The following PCDH7 variants were observed in gnomAD, a reference collection of about 807,000 sequenced individuals.
PCDH7 encodes the protein protocadherin-7.
A neutral mutation model predicts 58.9 loss-of-function variants in PCDH7; 17 were observed. The observed-to-expected ratio is 0.29, with a 90% CI of 0.20 to 0.43. The LOEUF is 0.43. Among genes scored for constraint, PCDH7 ranks in the 20% least tolerant of loss-of-function variants. PCDH7 has a pLI of 1.00. For missense variants in PCDH7, 1,274 were observed against 1,441.0 expected, an observed-to-expected ratio of 0.88 and a Z score of 1.88; for synonymous variants, 664 against 616.4, an observed-to-expected ratio of 1.08 and a Z score of -1.14.
intron 3 of PCDH7, among the ~76,000 whole-genome samples, chr4:31,122,130 A>G (rs1341434336): frequency 2.6e-5 from 4 of 152,150 alleles, no homozygotes; most frequent in Admixed American, 2.6e-4. Flanking sequence ...AATTTCATGA[A>G]TAATATATAA....
At chr4:30,742,816 G>T (rs1717256754) in intron 1 of PCDH7, among the ~76,000 whole-genome samples, 1 of 152,106 alleles carries the variant, frequency 6.6e-6, no homozygotes, top group Non-Finnish European at 1.5e-5. Context: ...CATATCAAAA[G>T]AAATTGAAAT....
chr4:31,001,871 T>C (rs954693968), intron 3 of PCDH7, among the ~76,000 whole-genome samples: 3 of 152,200 alleles, frequency 2.0e-5, no homozygotes, highest in Non-Finnish European at 4.4e-5. Flanking sequence ...AACACTGTAA[T>C]TATTTTCTTA....
chr4:30,767,577 A>G (rs1313282736), intron 1 of PCDH7, among the ~76,000 whole-genome samples: 1 of 152,194 alleles, frequency 6.6e-6, no homozygotes, highest in Non-Finnish European at 1.5e-5. Context: ...AAGAACTGTG[A>G]CGGTTTGTTC....
chr4:30,870,135 G>GT (rs61074906), intron 1 of PCDH7, among the ~76,000 whole-genome samples: 5,556 of 151,904 alleles, frequency 0.037, 332 homozygotes, highest in African/African-American at 0.13. Context: ...GGGATTGTTT[G>GT]TTTTTTTCTT....
chr4:30,775,836 G>A (rs1442788570), intron 1 of PCDH7, among the ~76,000 whole-genome samples: 1 of 152,132 alleles, frequency 6.6e-6, no homozygotes, highest in Non-Finnish European at 1.5e-5. Context: ...GACAGAGGTT[G>A]CAGTGAGCCA....
chr4:31,095,924 TA>T (rs1349981387), intron 3 of PCDH7, among the ~76,000 whole-genome samples: 6 of 152,200 alleles, frequency 3.9e-5, no homozygotes, highest in African/African-American at 1.4e-4. Flanking sequence ...AGCAGGATAT[TA>T]TAAATTGTTA....
At chr4:31,027,797 T>C (rs574431466) in intron 3 of PCDH7, among the ~76,000 whole-genome samples, 28 of 152,348 alleles carry the variant, frequency 1.8e-4, no homozygotes, top group African/African-American at 6.7e-4. Flanking sequence ...AAATGGATTA[T>C]TAAAAGTGAT....
At chr4:30,852,225 A>G (rs1361135454) in intron 1 of PCDH7, among the ~76,000 whole-genome samples, 2 of 152,136 alleles carry the variant, frequency 1.3e-5, no homozygotes, top group African/African-American at 4.8e-5. Context: ...ATCATGCTGA[A>G]GCACTAGTTA....
intron 3 of PCDH7, among the ~76,000 whole-genome samples, chr4:30,954,653 A>T (rs1011221765): frequency 1.3e-5 from 2 of 152,170 alleles, no homozygotes; most frequent in Non-Finnish European, 2.9e-5. Context: ...TTTTAGTGTC[A>T]TAGAAAGACG....
At chr4:31,026,298 G>A (rs1266435670) in intron 3 of PCDH7, among the ~76,000 whole-genome samples, 1 of 152,098 alleles carries the variant, frequency 6.6e-6, no homozygotes, top group Non-Finnish European at 1.5e-5. Context: ...GCCACAAGTT[G>A]TACCTTTGAT....
chr4:30,972,601 A>G (rs1041341160), intron 3 of PCDH7, among the ~76,000 whole-genome samples: 71 of 152,288 alleles, frequency 4.7e-4, no homozygotes, highest in African/African-American at 1.6e-3. Flanking sequence ...ATAATGCCCA[A>G]CCTATATTAA....
At chr4:30,865,545 G>A (rs760615435) in intron 1 of PCDH7, among the ~76,000 whole-genome samples, 14 of 152,046 alleles carry the variant, frequency 9.2e-5, no homozygotes, top group African/African-American at 2.2e-4. Context: ...ATACCACCTC[G>A]TAAGCTTGTA....
intron 1 of PCDH7, among the ~76,000 whole-genome samples, chr4:30,750,971 G>A (rs907941968): frequency 8.5e-6 from 1 of 117,664 alleles, no homozygotes; most frequent in African/African-American, 2.8e-5. Context: ...TTTTGGTGCA[G>A]GGAAGGAAAA....
At chr4:31,113,907 A>G (rs1185488979) in intron 3 of PCDH7, among the ~76,000 whole-genome samples, 2 of 142,070 alleles carry the variant, frequency 1.4e-5, no homozygotes, top group Admixed American at 1.5e-4. Context: ...ATCTCAGCTC[A>G]CTGCAACCTC....
At chr4:31,096,163 A>G (rs962226768) in intron 3 of PCDH7, among the ~76,000 whole-genome samples, 1 of 152,190 alleles carries the variant, frequency 6.6e-6, no homozygotes, top group African/African-American at 2.4e-5. Flanking sequence ...GTTATTGCCA[A>G]TGATTTGCAT....
intron 1 of PCDH7, among the ~76,000 whole-genome samples, chr4:30,887,052 G>A (rs1398444430): frequency 6.6e-6 from 1 of 150,846 alleles, no homozygotes; most frequent in African/African-American, 2.4e-5. Flanking sequence ...AGTGGGTGCA[G>A]CGCACCAGCA....
chr4:30,763,736 A>G (rs887844992), intron 1 of PCDH7, among the ~76,000 whole-genome samples: 4 of 152,238 alleles, frequency 2.6e-5, no homozygotes, highest in Non-Finnish European at 5.9e-5. Context: ...CCATTTGGAA[A>G]GAGAAAAAGG....
chr4:30,991,374 C>A (rs2109124231), intron 3 of PCDH7, among the ~76,000 whole-genome samples: 1 of 152,192 alleles, frequency 6.6e-6, no homozygotes, highest in Non-Finnish European at 1.5e-5. Context: ...CTCCAAAGTA[C>A]ACTGTTGTGA....
intron 1 of PCDH7, among the ~76,000 whole-genome samples, chr4:30,771,126 G>C (rs1721348011): frequency 6.6e-6 from 1 of 152,088 alleles, no homozygotes; most frequent in South Asian, 2.1e-4. Flanking sequence ...AGTGCTATTT[G>C]ATCTATTTAT....
Sources: gnomAD v4.1 joint callset for allele counts (sites outside exome capture counted in the v4.1 genomes callset) on GRCh38, gnomAD v4.1.1 for gene constraint, MANE v1.5 for transcripts, NCBI Gene and HGNC (gene_info 2026-07-23, HGNC 2026-07-21) for gene names.